The following SLC9A2 variants were observed in gnomAD, a reference collection of about 807,000 sequenced individuals.
SLC9A2 encodes the protein sodium/hydrogen exchanger 2.
A neutral mutation model predicts 71.7 loss-of-function variants in SLC9A2; 42 were observed. The observed-to-expected ratio is 0.59, with a 90% CI of 0.46 to 0.76. The LOEUF (loss-of-function observed/expected upper bound fraction) is 0.76, where lower values mean the gene tolerates loss of function less well. SLC9A2 is among the 30% of genes least tolerant of loss of function. SLC9A2 has a pLI of 0.00. For missense variants in SLC9A2, 829 were observed against 1,017.4 expected (o/e 0.81, Z 2.52); for synonymous variants, 396 against 392.5 (o/e 1.01, Z -0.10).
At chr2:102,682,965 G>C (rs750051638) in intron 3 of SLC9A2, among the ~76,000 whole-genome samples, 2 of 152,202 alleles carry the variant, frequency 1.3e-5, no homozygotes, top group African/African-American at 4.8e-5. Flanking sequence ...ACAGAAAGGA[G>C]AGCTGATGGT....
At chr2:102,704,077 A>G (rs947122150) in intron 9 of SLC9A2, among the ~76,000 whole-genome samples, 1 of 152,242 alleles carries the variant, frequency 6.6e-6, no homozygotes, top group Non-Finnish European at 1.5e-5. Context: ...TTCAAGGTAG[A>G]CATGGCACTT....
At position 102,708,776 on chromosome 2, in the gene SLC9A2, C is replaced by T. The variant is rs1284542858; in HGVS notation, c.*287C>T. Reference sequence around the variant, plus strand: ...GTGTGCCTTTATTGAACTTGAATGACAGAACTTGAAATTTTTAACACATCC... The same window carrying T: ...GTGTGCCTTTATTGAACTTGAATGATAGAACTTGAAATTTTTAACACATCC... On this transcript the variant is annotated 3_prime_UTR_variant, in exon 12 of 12. Coordinates refer to ENST00000233969, the MANE Select transcript of SLC9A2 (RefSeq NM_003048.6). 9.3e-6 allele frequency: 3 copies of T among 323,752 alleles called. No individual in the cohort carries two copies. The highest frequency in any genetic ancestry group is 1.7e-5 in the Non-Finnish European group (3 of 177,892). The allele number at this position is 323,752 out of a possible 1,614,324, so 20.1% of individuals were successfully genotyped here.
In SLC9A2 at chr2:102,678,150, C is replaced by T. The variant is rs967559732; in HGVS notation, c.1005-5111C>T. Among the ~76,000 whole-genome samples, 35 of 151,976 alleles carry T rather than the reference C, an allele frequency of 2.3e-4. 1 individual carries two copies. Among genetic ancestry groups the T allele is most frequent in the Admixed American group, 1.8e-3 (27 of 15,254 alleles). ...TTCTAGCACGTACAGTGTTGTGTTC[C>T]GATGATCTCTTTGTGTCTGTTTCTT... On this transcript the variant is annotated intron_variant, in intron 3 of 11. Transcript: ENST00000233969.
chr2:102,631,329 C>A (rs896214975), intron 1 of SLC9A2, among the ~76,000 whole-genome samples: 2 of 149,870 alleles, frequency 1.3e-5, no homozygotes, highest in East Asian at 3.9e-4. Context: ...TTATTTAGGA[C>A]AATGTAGCTG....
At chr2:102,650,405 T>A (rs149531803) in intron 1 of SLC9A2, among the ~76,000 whole-genome samples, 1 of 152,142 alleles carries the variant, frequency 6.6e-6, no homozygotes, top group Non-Finnish European at 1.5e-5. Context: ...GATGGGTTGA[T>A]GGGTGCAGCA....
intron 7 of SLC9A2, 148 bp from the exon 8 acceptor site, chr2:102,700,922 C>A (rs1677861459): frequency 1.7e-6 from 1 of 601,120 alleles, no homozygotes; most frequent in South Asian, 2.1e-5. Context: ...CAGGTAGGCA[C>A]ATACTAAATA....
At chr2:102,683,701 C>T (rs546721752) in intron 4 of SLC9A2, among the ~76,000 whole-genome samples, 1 of 150,736 alleles carries the variant, frequency 6.6e-6, no homozygotes, top group East Asian at 2.0e-4. Context: ...CATTTCCTTC[C>T]TCCTCTTCCC....
chr2:102,666,878 C>A (rs1004790978), intron 3 of SLC9A2, among the ~76,000 whole-genome samples: 10 of 152,042 alleles, frequency 6.6e-5, no homozygotes, highest in Admixed American at 6.5e-4. Flanking sequence ...TAGGACCTGC[C>A]ATACATATTT....
chr2:102,672,798 A>C (rs754210828), intron 3 of SLC9A2, among the ~76,000 whole-genome samples: 1 of 152,168 alleles, frequency 6.6e-6, no homozygotes, highest in Non-Finnish European at 1.5e-5. Context: ...ATATATATAT[A>C]TATTTTGCAA....
At chr2:102,625,399 C>A (rs1676226784) in intron 1 of SLC9A2, among the ~76,000 whole-genome samples, 1 of 152,016 alleles carries the variant, frequency 6.6e-6, no homozygotes, top group African/African-American at 2.4e-5. Flanking sequence ...TATACATGTG[C>A]CATGTTGGTG....
chr2:102,708,853 G>A lies in SLC9A2; in HGVS notation c.*364G>A, dbSNP rs771451084. On this transcript the variant is annotated 3_prime_UTR_variant, in exon 12 of 12. Coordinates refer to ENST00000233969, the MANE Select transcript of SLC9A2 (RefSeq NM_003048.6). ...CTTATATGCTTCAAATTTTATTTAT[G>A]AAAAAATATGTATATCTGTAATCAG... The A allele has an allele frequency of 2.9e-5, 6 of 206,754 alleles. No individual in the cohort carries two copies. The highest frequency in any genetic ancestry group is 5.9e-5 in the Non-Finnish European group (6 of 102,154). The allele number at this position is 206,754 out of a possible 1,614,324, so 12.8% of individuals were successfully genotyped here.
At chr2:102,643,672 T>C (rs1676654907) in intron 1 of SLC9A2, among the ~76,000 whole-genome samples, 1 of 152,200 alleles carries the variant, frequency 6.6e-6, no homozygotes, top group Admixed American at 6.5e-5. Flanking sequence ...CCAGGCTCTT[T>C]AGGTGTATAG....
chr2:102,647,502 G>T (rs1025332567), intron 1 of SLC9A2, among the ~76,000 whole-genome samples: 8 of 152,076 alleles, frequency 5.3e-5, no homozygotes, highest in Non-Finnish European at 5.9e-5. Context: ...TATCAGAGCA[G>T]AACTGAAGGA....
At chr2:102,703,913 A>G (rs963467760) in intron 9 of SLC9A2, among the ~76,000 whole-genome samples, 1 of 152,146 alleles carries the variant, frequency 6.6e-6, no homozygotes, top group East Asian at 1.9e-4. Context: ...GAAAAAAGGG[A>G]ATGTGCTGAA....
intron 1 of SLC9A2, among the ~76,000 whole-genome samples, chr2:102,633,351 G>A (rs966769338): frequency 6.6e-6 from 1 of 152,008 alleles, no homozygotes; most frequent in Non-Finnish European, 1.5e-5. Flanking sequence ...TGTTTCTCAC[G>A]GGAAAGGATA....
intron 1 of SLC9A2, among the ~76,000 whole-genome samples, chr2:102,650,255 T>C (rs1401167102): frequency 6.6e-6 from 1 of 152,008 alleles, no homozygotes; most frequent in Non-Finnish European, 1.5e-5. Context: ...TGTTCATAAG[T>C]GGGAGTTGAA....
intron 7 of SLC9A2, among the ~76,000 whole-genome samples, chr2:102,700,386 C>T (rs1677851044): frequency 6.6e-6 from 1 of 152,084 alleles, no homozygotes; most frequent in South Asian, 2.1e-4. Flanking sequence ...AACCGAGGCC[C>T]AGAGCACTCC....
chr2:102,690,261 C>T (rs1437922597), intron 5 of SLC9A2, among the ~76,000 whole-genome samples: 2 of 152,088 alleles, frequency 1.3e-5, no homozygotes, highest in African/African-American at 4.8e-5. Context: ...AATACAGCTG[C>T]AAGGTCAGAA....
intron 1 of SLC9A2, among the ~76,000 whole-genome samples, chr2:102,632,129 CATATATATGT>C (rs1312124669): frequency 1.5e-4 from 13 of 85,166 alleles, no homozygotes; most frequent in African/African-American, 6.7e-4. Flanking sequence ...TACATATATA[CATATATATGT>C]ATATATACAT....
Sources: allele counts gnomAD v4.1 joint callset (sites outside exome capture counted in the v4.1 genomes callset), GRCh38; gene constraint gnomAD v4.1.1; transcripts MANE v1.5; gene names NCBI Gene and HGNC (gene_info 2026-07-23, HGNC 2026-07-21).